SH3RF3: variants seen among roughly 807,000 people sequenced by gnomAD.
SH3RF3 encodes SH3 domain containing ring finger 3.
Under a neutral mutation model 66.3 loss-of-function variants are expected in SH3RF3, and 29 were observed. That is an observed-to-expected ratio of 0.44 (90% CI 0.33 to 0.60). The LOEUF is 0.60. Among genes scored for constraint, SH3RF3 ranks in the 20% least tolerant of loss-of-function variants. The pLI, the probability that SH3RF3 is intolerant of heterozygous loss-of-function variation, is 0.04. For missense variants in SH3RF3, 1,194 were observed against 1,190.9 expected, an observed-to-expected ratio of 1.00 and a Z score of -0.04; for synonymous variants, 583 against 532.0, an observed-to-expected ratio of 1.10 and a Z score of -1.32.
chr2:109,158,098 G>C (rs995108574), intron 1 of SH3RF3, among the ~76,000 whole-genome samples: 3 of 152,144 alleles, frequency 2.0e-5, no homozygotes, highest in African/African-American at 4.8e-5. Context: ...CAAGCAAACA[G>C]AGGTGGCAAG....
intron 3 of SH3RF3, among the ~76,000 whole-genome samples, chr2:109,387,355 A>G (rs1181114576): frequency 6.6e-6 from 1 of 152,124 alleles, no homozygotes; most frequent in African/African-American, 2.4e-5. Context: ...TCCCCATCTC[A>G]GGGGAGATCC....
chr2:109,252,937 C>G (rs1264235348), intron 1 of SH3RF3, among the ~76,000 whole-genome samples: 1 of 152,212 alleles, frequency 6.6e-6, no homozygotes, highest in Non-Finnish European at 1.5e-5. Context: ...AGGGGACTGA[C>G]TGTAGTCAAT....
intron 2 of SH3RF3, among the ~76,000 whole-genome samples, chr2:109,370,206 T>TCTGTCC (rs1388628192): frequency 6.9e-6 from 1 of 145,100 alleles, no homozygotes; most frequent in Admixed American, 6.7e-5. Flanking sequence ...TGTCTCTGTC[T>TCTGTCC]CTGTCTCTGT....
At chr2:109,416,904 C>CA (rs59855463) in intron 4 of SH3RF3, among the ~76,000 whole-genome samples, 3,278 of 63,596 alleles carry the variant, frequency 0.052, 76 homozygotes, top group East Asian at 0.087. Flanking sequence ...GACTTCATCT[C>CA]AAAAAAAAAA....
At chr2:109,249,509 CATTCTTTCTTTTTCTTTCTTTCT>C (rs1680014149) in intron 1 of SH3RF3, among the ~76,000 whole-genome samples, 13 of 66,390 alleles carry the variant, frequency 2.0e-4, no homozygotes, top group African/African-American at 6.2e-4. Flanking sequence ...TTCTTTCTTT[CATTCTTTCTTTTTCTTTCTTTCT>C]TTCCTTCCTT....
chr2:109,214,172 G>A (rs1438842324), intron 1 of SH3RF3, among the ~76,000 whole-genome samples: 2 of 152,198 alleles, frequency 1.3e-5, no homozygotes, highest in Non-Finnish European at 2.9e-5. Context: ...GCTGTTGGAG[G>A]TGAGGCTAAG....
At chr2:109,139,147 C>A (rs1235968959) in intron 1 of SH3RF3, among the ~76,000 whole-genome samples, 1 of 152,112 alleles carries the variant, frequency 6.6e-6, no homozygotes, top group Admixed American at 6.5e-5. Flanking sequence ...TAATCATATC[C>A]CAAATCTGCG....
chr2:109,360,163 A>G (rs142701978), intron 2 of SH3RF3, among the ~76,000 whole-genome samples: 174 of 152,290 alleles, frequency 1.1e-3, no homozygotes, highest in African/African-American at 4.1e-3. Context: ...GCTGTTGTTT[A>G]ACAGCTGATA....
chr2:109,458,572 C>CAGAGAGAGAGAGCGAGAGAGAGAGAGAG (rs1678123066), intron 8 of SH3RF3, among the ~76,000 whole-genome samples: 1 of 122,978 alleles, frequency 8.1e-6, no homozygotes, highest in African/African-American at 2.7e-5. Context: ...CAGCAGGAGA[C>CAGAGAGAGAGAGCGAGAGAGAGAGAGAG]AGAGAGAGAG....
In SH3RF3 at chr2:109,129,498, G is replaced by A. The variant is rs1053806282; in HGVS notation, c.-43G>A. On this transcript the variant is annotated 5_prime_UTR_variant, in exon 1 of 10. Coordinates refer to ENST00000309415, the MANE Select transcript of SH3RF3 (RefSeq NM_001099289.3). ...CGGTGGCGGGCTCCACGCCGGCCCC[G>A]GGACCTAGGCAGCCGCGCGAGACCG... The A allele has an allele frequency of 3.3e-6, 5 of 1,495,254 alleles. No individual in the cohort carries two copies. The South Asian group carries it at 3.7e-5, about 11-fold the overall frequency. The allele number at this position is 1,495,254 out of a possible 1,614,324, so 92.6% of individuals were successfully genotyped here.
chr2:109,398,375 T>C (rs1476184409), intron 3 of SH3RF3, among the ~76,000 whole-genome samples: 1 of 152,178 alleles, frequency 6.6e-6, no homozygotes, highest in East Asian at 1.9e-4. Context: ...GTCCCCTCTC[T>C]CCATCATGGC....
intron 1 of SH3RF3, among the ~76,000 whole-genome samples, chr2:109,339,879 T>C (rs1682518901): frequency 6.6e-6 from 1 of 152,152 alleles, no homozygotes; most frequent in Admixed American, 6.5e-5. Context: ...CCTTCCATAA[T>C]TAAACAGATA....
intron 1 of SH3RF3, among the ~76,000 whole-genome samples, chr2:109,142,691 C>G (rs774111241): frequency 3.9e-4 from 60 of 152,142 alleles, no homozygotes; most frequent in African/African-American, 1.4e-3. Context: ...GTCAACTGAG[C>G]GGAGCATGGG....
chr2:109,418,052 A>G (rs886593811), intron 4 of SH3RF3, among the ~76,000 whole-genome samples: 12 of 152,050 alleles, frequency 7.9e-5, no homozygotes, highest in African/African-American at 2.9e-4. Context: ...CGCTCACCTG[A>G]GGACACACAC....
rs555193511 is a variant in SH3RF3, at chr2:109,335,963, G to A, written c.574-11711G>A. Among the ~76,000 whole-genome samples the A allele has an allele frequency of 3.7e-4, 57 of 152,328 alleles. 1 individual carries two copies. The highest frequency in any genetic ancestry group is 1.3e-3 in the African/African-American group (56 of 41,574). ...GGGGCTGGGAGTGGGATATGTCGGT[G>A]AGACTGATAGCACGATGTTGTCGAG... On this transcript the variant is annotated intron_variant, in intron 1 of 9. Coordinates refer to ENST00000309415, the MANE Select transcript of SH3RF3 (RefSeq NM_001099289.3).
chr2:109,160,906 G>T (rs1677472935), intron 1 of SH3RF3, among the ~76,000 whole-genome samples: 1 of 152,184 alleles, frequency 6.6e-6, no homozygotes, highest in African/African-American at 2.4e-5. Context: ...TTGTTTGAGT[G>T]TCTGGGGATT....
At chr2:109,159,080 G>A (rs1360830153) in intron 1 of SH3RF3, among the ~76,000 whole-genome samples, 1 of 152,204 alleles carries the variant, frequency 6.6e-6, no homozygotes, top group Admixed American at 6.5e-5. Context: ...TCGCACCACT[G>A]CACTCCAGCC....
At chr2:109,151,283 G>A (rs1177524627) in intron 1 of SH3RF3, among the ~76,000 whole-genome samples, 1 of 152,184 alleles carries the variant, frequency 6.6e-6, no homozygotes, top group Non-Finnish European at 1.5e-5. Flanking sequence ...TGTGGCCATG[G>A]AAACAGACTG....
chr2:109,427,311 C>T (rs982575545), intron 5 of SH3RF3, among the ~76,000 whole-genome samples: 1 of 152,112 alleles, frequency 6.6e-6, no homozygotes, highest in Non-Finnish European at 1.5e-5. Context: ...TTTTTTTAGA[C>T]ATAATGCTAT....
Sources: gnomAD v4.1 joint callset for allele counts (sites outside exome capture counted in the v4.1 genomes callset) on GRCh38, gnomAD v4.1.1 for gene constraint, MANE v1.5 for transcripts, NCBI Gene and HGNC (gene_info 2026-07-23, HGNC 2026-07-21) for gene names.